ABLIM1: variants seen among roughly 807,000 people sequenced by gnomAD.
ABLIM1 encodes the protein actin binding LIM protein 1.
Under a neutral mutation model 107.0 loss-of-function variants are expected in ABLIM1, and 40 were observed. The ratio of observed to expected loss-of-function variants is 0.37; its 90% CI spans 0.29 to 0.49. ABLIM1 has a LOEUF of 0.49. ABLIM1 is among the 20% of genes least tolerant of loss of function. The pLI, the probability that ABLIM1 is intolerant of heterozygous loss-of-function variation, is 0.97. For synonymous variants in ABLIM1, 357 were observed against 357.3 expected (o/e 1.00, Z 0.01); for missense variants, 857 against 1,008.5 (o/e 0.85, Z 2.04).
intron 6 of ABLIM1, among the ~76,000 whole-genome samples, chr10:114,536,242 T>G (rs1193275614): frequency 3.6e-5 from 2 of 55,988 alleles, no homozygotes; most frequent in African/African-American, 1.1e-4. Context: ...TTTTTTTTTT[T>G]TTTTTTTTTT....
chr10:114,793,570 T>C, the ABLIM1 span, among the ~76,000 whole-genome samples: 7 of 152,212 alleles, frequency 4.6e-5, no homozygotes, highest in African/African-American at 7.2e-5. Flanking sequence ...TGCAGCATAA[T>C]TGACAGTGGC....
chr10:114,626,387 T>G (rs1234941455), intron 1 of ABLIM1, among the ~76,000 whole-genome samples: 2 of 152,238 alleles, frequency 1.3e-5, no homozygotes, highest in Admixed American at 6.5e-5. Flanking sequence ...GTTTCTAATG[T>G]TATCTTCCTT....
intron 1 of ABLIM1, among the ~76,000 whole-genome samples, chr10:114,615,760 C>T (rs546064602): frequency 3.1e-4 from 46 of 150,634 alleles, no homozygotes; most frequent in African/African-American, 1.1e-3. Context: ...TGAATGATGT[C>T]AATACCACTC....
intron 1 of ABLIM1, among the ~76,000 whole-genome samples, chr10:114,765,423 A>G (rs2082869159): frequency 6.6e-6 from 1 of 152,180 alleles, no homozygotes; most frequent in Non-Finnish European, 1.5e-5. Flanking sequence ...AGAAATAAGT[A>G]GAGATCATTT....
upstream of ABLIM1, among the ~76,000 whole-genome samples, chr10:114,685,585 G>T (rs1349135017): frequency 6.6e-6 from 1 of 152,144 alleles, no homozygotes; most frequent in African/African-American, 2.4e-5. Flanking sequence ...CCAGGCTACT[G>T]CCTGGAACTT....
At chr10:114,642,160 T>C (rs1591706250) in intron 1 of ABLIM1, among the ~76,000 whole-genome samples, 1 of 151,632 alleles carries the variant, frequency 6.6e-6, no homozygotes, top group South Asian at 2.1e-4. Context: ...CCAAAAATGG[T>C]GGGATTACAG....
At chr10:114,766,511 C>G (rs1275900192) in intron 1 of ABLIM1, among the ~76,000 whole-genome samples, 1 of 152,068 alleles carries the variant, frequency 6.6e-6, no homozygotes, top group Admixed American at 6.5e-5. Context: ...AAACCCGAGA[C>G]CCTGGAATAG....
chr10:114,444,199 G>T (rs939834389), intron 16 of ABLIM1, 65 bp from the exon 17 acceptor site: 1 of 1,370,838 alleles, frequency 7.3e-7, no homozygotes. Context: ...CTTTCATGGA[G>T]CTGCAGTTTC....
chr10:114,714,086 A>G (rs2081609754), intron 1 of ABLIM1, among the ~76,000 whole-genome samples: 1 of 152,232 alleles, frequency 6.6e-6, no homozygotes, highest in Non-Finnish European at 1.5e-5. Context: ...ACTTTGTAGA[A>G]CATCCTTCCC....
intron 8 of ABLIM1, among the ~76,000 whole-genome samples, chr10:114,479,112 G>A (rs1194460430): frequency 6.6e-6 from 1 of 151,944 alleles, no homozygotes. Context: ...ACTTCCTTGA[G>A]CTTCAACTTC....
At chr10:114,564,582 T>C (rs1315969136) in intron 4 of ABLIM1, among the ~76,000 whole-genome samples, 1 of 151,990 alleles carries the variant, frequency 6.6e-6, no homozygotes, top group Non-Finnish European at 1.5e-5. Context: ...CCTACATAGG[T>C]TTTACAGGTC....
At chr10:114,445,215 T>C in intron 16 of ABLIM1, 97 bp downstream of exon 16, 1 of 1,117,110 alleles carries the variant, frequency 9.0e-7, no homozygotes, top group Non-Finnish European at 1.3e-6. Context: ...GACCACCTCT[T>C]GCCTATCTAG....
chr10:114,745,998 GTA>G (rs1212974354), intron 1 of ABLIM1, among the ~76,000 whole-genome samples: 2 of 152,182 alleles, frequency 1.3e-5, no homozygotes, highest in African/African-American at 4.8e-5. Flanking sequence ...AATCATGTTT[GTA>G]TATGTTTATT....
intron 1 of ABLIM1, chr10:114,767,918 C>T (rs1433408357): frequency 6.4e-6 from 2 of 314,052 alleles, no homozygotes; most frequent in African/African-American, 2.3e-5. Flanking sequence ...TGCCCCCGGC[C>T]CCCGGCAGCC....
chr10:114,767,937 G>A (rs2082943416), intron 1 of ABLIM1: 1 of 333,498 alleles, frequency 3.0e-6, no homozygotes, highest in Non-Finnish European at 6.0e-6. Context: ...CCCCGAGCCC[G>A]GGGATCCGCT....
chr10:114,537,962 C>A (rs1273121865), intron 6 of ABLIM1, among the ~76,000 whole-genome samples: 1 of 152,212 alleles, frequency 6.6e-6, no homozygotes, highest in Admixed American at 6.5e-5. Flanking sequence ...AATTACATCT[C>A]TGATGGTGAC....
intron 6 of ABLIM1, among the ~76,000 whole-genome samples, chr10:114,502,712 G>C (rs1438093631): frequency 6.6e-6 from 1 of 152,102 alleles, no homozygotes; most frequent in African/African-American, 2.4e-5. Flanking sequence ...GGCCAGACTG[G>C]TCTCGAGCTC....
At chr10:114,667,589 A>G (rs1339763111) in intron 1 of ABLIM1, among the ~76,000 whole-genome samples, 2 of 152,224 alleles carry the variant, frequency 1.3e-5, no homozygotes, top group Non-Finnish European at 2.9e-5. Context: ...ATGAGTTTTA[A>G]CAAATGCTTT....
chr10:114,565,788 C>CTTTTTTTTTTT lies in ABLIM1; in HGVS notation c.673+5498_673+5508dup, dbSNP rs577896964. Among the ~76,000 whole-genome samples, 36 of 101,082 alleles carry CTTTTTTTTTTT rather than the reference C, an allele frequency of 3.6e-4. 4 individuals are homozygous for CTTTTTTTTTTT. Among genetic ancestry groups the CTTTTTTTTTTT allele is most frequent in the Non-Finnish European group, 4.7e-4 (24 of 51,098 alleles). 66.3% of individuals were successfully genotyped at this position (101,082 alleles called of 152,430 possible). A position where few individuals can be genotyped will look rare whatever the true frequency, so the allele number is the denominator to read the frequency against. On this transcript the variant is annotated intron_variant, in intron 4 of 22. Coordinates refer to ENST00000533213, the MANE Select transcript of ABLIM1 (RefSeq NM_002313.7). The stretch of plus-strand genomic sequence containing the variant: ...CGCGATGCTTTATCTGAAATGATTT[C>CTTTTTTTTTTT]TTTTTTTTTTTTTTTTTTTTTTTTG...
Sources: allele counts gnomAD v4.1 joint callset (sites outside exome capture counted in the v4.1 genomes callset), GRCh38; gene constraint gnomAD v4.1.1; transcripts MANE v1.5; gene names NCBI Gene and HGNC (gene_info 2026-07-23, HGNC 2026-07-21).